The following WWOX variants were observed in gnomAD, a reference collection of about 807,000 sequenced individuals.
The protein encoded by WWOX is WW domain-containing oxidoreductase.
WWOX carries 69 observed loss-of-function variants against 46.2 expected under a neutral mutation model. The observed-to-expected ratio is 1.49, with a 90% CI of 1.23 to 1.82. WWOX has a LOEUF of 1.82. Ranked by LOEUF, WWOX falls within the 40% of genes most tolerant of loss-of-function variation. WWOX has a pLI of 0.00. For synonymous variants in WWOX, 359 were observed against 202.6 expected (o/e 1.77, Z -6.56); for missense variants, 919 against 542.6 (o/e 1.69, Z -6.89).
chr16:78,936,691 G>C (rs1438485919), intron 8 of WWOX, among the ~76,000 whole-genome samples: 2 of 151,912 alleles, frequency 1.3e-5, no homozygotes, highest in African/African-American at 2.4e-5. Flanking sequence ...CCTAGGTAAG[G>C]AGAGATTTCT....
At chr16:78,420,167 G>GA (rs981484712) in intron 6 of WWOX, among the ~76,000 whole-genome samples, 1 of 152,054 alleles carries the variant, frequency 6.6e-6, no homozygotes, top group African/African-American at 2.4e-5. Context: ...AGTCCTGGCG[G>GA]AAATGTAAAA....
intron 8 of WWOX, among the ~76,000 whole-genome samples, chr16:78,767,355 G>C (rs1207054660): frequency 6.6e-6 from 1 of 151,734 alleles, no homozygotes; most frequent in African/African-American, 2.4e-5. Flanking sequence ...GGCTGATCTT[G>C]AACTCCTGTG....
chr16:79,211,561 A>ACTC (rs779578801), intron 8 of WWOX, 47 bp from the exon 9 acceptor site: 1 of 1,610,390 alleles, frequency 6.2e-7, no homozygotes, highest in Admixed American at 1.7e-5. Context: ...CCATCTCATC[A>ACTC]CTCCTTTTCT....
chr16:78,846,507 C>T (rs899327249), intron 8 of WWOX, among the ~76,000 whole-genome samples: 2 of 152,032 alleles, frequency 1.3e-5, no homozygotes, highest in Admixed American at 6.5e-5. Flanking sequence ...TTGGGTTTGT[C>T]TGATGTGTTC....
At chr16:78,525,053 A>G (rs1191274404) in intron 8 of WWOX, 3 of 151,332 alleles carry the variant, frequency 2.0e-5, no homozygotes, top group South Asian at 2.1e-4. Context: ...TTTTGCAGAC[A>G]TAGGGCCTCA....
Position 78,822,931 on chromosome 16 carries a change from GA to G in WWOX, c.1057-388666del, listed in dbSNP as rs1175612190. Among the ~76,000 whole-genome samples, 473 of 142,334 alleles carry G rather than the reference GA, an allele frequency of 3.3e-3. 3 individuals are homozygous for G. The highest frequency in any genetic ancestry group is 8.2e-3 in the African/African-American group (318 of 38,862). 93.4% of individuals were successfully genotyped at this position (142,334 alleles called of 152,430 possible). ...GCTTGATAAAGCCAAAAAACTAAAAGAAAAAAAAAAAGGAATTAGAAACAGA... is the reference window on the plus strand; with the variant it reads ...GCTTGATAAAGCCAAAAAACTAAAAGAAAAAAAAAAGGAATTAGAAACAGA... On this transcript the variant is annotated intron_variant, in intron 8 of 8. Coordinates refer to ENST00000566780, the MANE Select transcript of WWOX (RefSeq NM_016373.4).
chr16:78,930,269 T>TCC lies in WWOX; in HGVS notation c.1057-281339_1057-281338insCC, dbSNP rs71140845. Among the ~76,000 whole-genome samples the TCC allele has an allele frequency of 3.0e-4, 36 of 118,096 alleles. 1 individual carries two copies. Among genetic ancestry groups the TCC allele is most frequent in the Non-Finnish European group, 4.9e-4 (27 of 55,272 alleles). 77.5% of individuals were successfully genotyped at this position (118,096 alleles called of 152,430 possible). A position where few individuals can be genotyped will look rare whatever the true frequency, so the allele number is the denominator to read the frequency against. On this transcript the variant is annotated intron_variant, in intron 8 of 8. Coordinates refer to ENST00000566780, the MANE Select transcript of WWOX (RefSeq NM_016373.4). ...TTCCTTCCTTCCTTCCTTCCTTCCT[T>TCC]TCTCTCTTTCTTTTTTTATTTTTTT...
chr16:79,126,693 T>A (rs2049763776), intron 8 of WWOX, among the ~76,000 whole-genome samples: 1 of 152,164 alleles, frequency 6.6e-6, no homozygotes, highest in Non-Finnish European at 1.5e-5. Flanking sequence ...AAGGGAGCAG[T>A]GATGGAGCAC....
At chr16:79,016,856 G>C (rs1054425895) in intron 8 of WWOX, 2 of 152,046 alleles carry the variant, frequency 1.3e-5, no homozygotes, top group Admixed American at 6.6e-5. Context: ...ACTGAGTTTC[G>C]ATAACGCCCC....
chr16:79,142,254 T>C (rs942956245), intron 8 of WWOX, among the ~76,000 whole-genome samples: 1 of 152,104 alleles, frequency 6.6e-6, no homozygotes, highest in Non-Finnish European at 1.5e-5. Context: ...CAGAAGATAA[T>C]TCCTGGTAGT....
chr16:79,173,235 C>A (rs765080428), intron 8 of WWOX, among the ~76,000 whole-genome samples: 2 of 152,156 alleles, frequency 1.3e-5, no homozygotes, highest in Non-Finnish European at 2.9e-5. Flanking sequence ...TCCTGGGCCT[C>A]CTGAGGGGTG....
intron 7 of WWOX, among the ~76,000 whole-genome samples, chr16:78,431,659 G>A (rs989029111): frequency 3.4e-5 from 5 of 147,438 alleles, no homozygotes; most frequent in African/African-American, 1.2e-4. Context: ...ATGAGTGTGG[G>A]TCTTTATTGA....
In WWOX at chr16:78,949,328, T is replaced by C. The variant is rs1255029396; in HGVS notation, c.1057-262280T>C. ...TAGATACGTTTTTTTAAGGGGATGATAATTTGCTGTGGCAGCAATAGAAAA... is the reference window on the plus strand; with the variant it reads ...TAGATACGTTTTTTTAAGGGGATGACAATTTGCTGTGGCAGCAATAGAAAA... On this transcript the variant is annotated intron_variant, in intron 8 of 8. Coordinates refer to ENST00000566780, the MANE Select transcript of WWOX (RefSeq NM_016373.4). Among the ~76,000 whole-genome samples, 4 of 152,238 alleles carry C rather than the reference T, an allele frequency of 2.6e-5. No individual in the cohort carries two copies. The East Asian group carries it at 7.7e-4, about 29-fold the overall frequency.
chr16:78,880,421 C>G (rs1315823399), intron 8 of WWOX, among the ~76,000 whole-genome samples: 1 of 152,196 alleles, frequency 6.6e-6, no homozygotes, highest in African/African-American at 2.4e-5. Context: ...AAATGAGTTA[C>G]AAATCCTCAT....
intron 5 of WWOX, among the ~76,000 whole-genome samples, chr16:78,275,704 G>T (rs61453234): frequency 0.012 from 1,817 of 152,320 alleles, 42 homozygotes; most frequent in African/African-American, 0.039. Context: ...GGTTGGGCCA[G>T]ATTAAGCAGA....
intron 8 of WWOX, chr16:78,872,959 G>A (rs901331186): frequency 2.6e-5 from 4 of 152,096 alleles, no homozygotes; most frequent in African/African-American, 9.7e-5. Context: ...CACCATGCCT[G>A]GCTAATCTTT....
intron 8 of WWOX, among the ~76,000 whole-genome samples, chr16:78,580,662 T>G (rs562844193): frequency 6.6e-6 from 1 of 152,350 alleles, no homozygotes; most frequent in Admixed American, 6.5e-5. Flanking sequence ...TTTGTAACAC[T>G]ATCTTGTTTG....
intron 5 of WWOX, among the ~76,000 whole-genome samples, chr16:78,384,352 T>G (rs1302411812): frequency 2.6e-5 from 4 of 152,156 alleles, no homozygotes; most frequent in Non-Finnish European, 5.9e-5. Flanking sequence ...TCACTTTGTT[T>G]GCTGACTCTG....
intron 8 of WWOX, among the ~76,000 whole-genome samples, chr16:78,911,145 C>G (rs999666239): frequency 2.0e-5 from 3 of 152,000 alleles, no homozygotes; most frequent in African/African-American, 2.4e-5. Flanking sequence ...TCTTCCTAGG[C>G]CCTTGTCAGA....
Sources: allele counts gnomAD v4.1 joint callset (sites outside exome capture counted in the v4.1 genomes callset), GRCh38; gene constraint gnomAD v4.1.1; transcripts MANE v1.5; gene names NCBI Gene and HGNC (gene_info 2026-07-23, HGNC 2026-07-21).